The following CAMK1D variants were observed in gnomAD, a reference collection of about 807,000 sequenced individuals.
CAMK1D encodes the protein calcium/calmodulin-dependent protein kinase type 1D.
Under a neutral mutation model 47.7 loss-of-function variants are expected in CAMK1D, and 9 were observed. That is an observed-to-expected ratio of 0.19 (90% confidence interval 0.11 to 0.33). CAMK1D has a LOEUF of 0.33. CAMK1D is among the 10% of genes least tolerant of loss of function. The pLI is 1.00. For missense variants in CAMK1D, 291 were observed against 488.7 expected, an observed-to-expected ratio of 0.60 and a Z score of 3.81; for synonymous variants, 184 against 184.9, an observed-to-expected ratio of 0.99 and a Z score of 0.04.
At chr10:12,407,186 A>G (rs1839465987) in intron 1 of CAMK1D, among the ~76,000 whole-genome samples, 1 of 152,062 alleles carries the variant, frequency 6.6e-6, no homozygotes, top group South Asian at 2.1e-4. Context: ...AGACCTCTCC[A>G]TGACTTCTTT....
At chr10:12,809,116 C>CA (rs35817271) in intron 6 of CAMK1D, among the ~76,000 whole-genome samples, 62,631 of 145,512 alleles carry the variant, frequency 0.43, 14,184 homozygotes, top group African/African-American at 0.6. Context: ...AACTCTGTCT[C>CA]AAAAAAAAAA....
chr10:12,417,009 C>T (rs1839873421), intron 1 of CAMK1D, among the ~76,000 whole-genome samples: 1 of 152,062 alleles, frequency 6.6e-6, no homozygotes, highest in Non-Finnish European at 1.5e-5. Flanking sequence ...GGGCCTGCAT[C>T]CCAGTTTAAT....
At position 12,378,896 on chromosome 10, in the gene CAMK1D, G is replaced by A. The variant is rs183717721; in HGVS notation, c.92+28986G>A. On this transcript the variant is annotated intron_variant, in intron 1 of 10. Coordinates refer to ENST00000619168, the MANE Select transcript of CAMK1D (RefSeq NM_153498.4). ...GCGCTCTCAGCTCACTGCAACCTTC[G>A]CCTCCTGGGTTCAAGTGATTCTCCT... Among the ~76,000 whole-genome samples, 585 of 148,210 alleles carry A rather than the reference G, an allele frequency of 3.9e-3. 2 individuals are homozygous for A. The highest frequency in any genetic ancestry group is 0.014 in the African/African-American group (568 of 40,246).
chr10:12,633,678 T>G (rs1177114787), intron 2 of CAMK1D, among the ~76,000 whole-genome samples: 1 of 152,032 alleles, frequency 6.6e-6, no homozygotes, highest in Non-Finnish European at 1.5e-5. Flanking sequence ...CACCTCTGCC[T>G]CCCCAGTAGC....
chr10:12,416,034 G>A (rs990713586), intron 1 of CAMK1D: 3 of 152,116 alleles, frequency 2.0e-5, no homozygotes, highest in African/African-American at 4.8e-5. Flanking sequence ...AAAACCATTC[G>A]CATTAGACTG....
At chr10:12,757,256 C>T (rs1056462900) in intron 3 of CAMK1D, among the ~76,000 whole-genome samples, 49 of 151,990 alleles carry the variant, frequency 3.2e-4, no homozygotes, top group African/African-American at 9.4e-4. Context: ...TACAGATGTG[C>T]GCCACTGTGC....
chr10:12,580,214 T>C (rs1191498471), intron 2 of CAMK1D, among the ~76,000 whole-genome samples: 1 of 152,206 alleles, frequency 6.6e-6, no homozygotes, highest in African/African-American at 2.4e-5. Context: ...GAGATAATTC[T>C]TAAGGCTACG....
At chr10:12,623,399 CCCTTCCTCCCTCCTTT>C (rs1588702090) in intron 2 of CAMK1D, among the ~76,000 whole-genome samples, 1 of 4,848 alleles carries the variant, frequency 2.1e-4, no homozygotes. Flanking sequence ...CTCCCTCCCT[CCCTTCCTCCCTCCTTT>C]CTTTCCTTCC....
At chr10:12,442,425 G>A (rs555961993) in intron 1 of CAMK1D, among the ~76,000 whole-genome samples, 1 of 152,114 alleles carries the variant, frequency 6.6e-6, no homozygotes, top group South Asian at 2.1e-4. Flanking sequence ...AGCTTGCTCT[G>A]AGCTGAGATT....
intron 2 of CAMK1D, among the ~76,000 whole-genome samples, chr10:12,662,936 T>A (rs547666266): frequency 6.6e-6 from 1 of 152,254 alleles, no homozygotes; most frequent in South Asian, 2.1e-4. Flanking sequence ...TCTCCTTTCC[T>A]TGTTTTTTTT....
intron 2 of CAMK1D, among the ~76,000 whole-genome samples, chr10:12,562,057 G>A (rs1289365477): frequency 1.3e-5 from 2 of 152,164 alleles, no homozygotes; most frequent in East Asian, 3.9e-4. Flanking sequence ...TGTTGCTATA[G>A]CATAATACTT....
At chr10:12,459,327 A>G (rs1833355835) in intron 1 of CAMK1D, among the ~76,000 whole-genome samples, 1 of 152,264 alleles carries the variant, frequency 6.6e-6, no homozygotes. Context: ...GGATTTGATC[A>G]TGATAGTTTG....
At chr10:12,763,392 T>C (rs906558565) in intron 4 of CAMK1D, among the ~76,000 whole-genome samples, 1 of 152,200 alleles carries the variant, frequency 6.6e-6, no homozygotes, top group African/African-American at 2.4e-5. Context: ...TGTACCTCCT[T>C]CTCTTCGTAG....
intron 5 of CAMK1D, among the ~76,000 whole-genome samples, chr10:12,772,036 GAAA>G (rs35859252): frequency 6.9e-6 from 1 of 145,436 alleles, no homozygotes; most frequent in East Asian, 2.0e-4. Context: ...GCTATCTCAG[GAAA>G]AAAAAAAAAA....
intron 3 of CAMK1D, among the ~76,000 whole-genome samples, chr10:12,739,008 T>G (rs1433637561): frequency 6.6e-6 from 1 of 152,076 alleles, no homozygotes; most frequent in Non-Finnish European, 1.5e-5. Context: ...CTTTGGAAGA[T>G]GGTGGATCGC....
At chr10:12,723,130 T>C (rs769576834) in intron 3 of CAMK1D, among the ~76,000 whole-genome samples, 1 of 152,184 alleles carries the variant, frequency 6.6e-6, no homozygotes, top group Non-Finnish European at 1.5e-5. Context: ...GCTTGTGTAT[T>C]GCAGGCCCAC....
rs190548593 is a variant in CAMK1D, at chr10:12,390,838, C to T, written c.92+40928C>T. Among the ~76,000 whole-genome samples, 5 of 152,204 alleles carry T rather than the reference C, an allele frequency of 3.3e-5. No homozygotes were observed. The East Asian group carries it at 5.8e-4, about 18-fold the overall frequency. On this transcript the variant is annotated intron_variant, in intron 1 of 10. Coordinates refer to ENST00000619168, the MANE Select transcript of CAMK1D (RefSeq NM_153498.4). The stretch of plus-strand genomic sequence containing the variant: ...AGCCTGGAATACGGGTCCAGCTGTC[C>T]CCACGGAGCCATCCTTCTGGCCCAC...
At chr10:12,351,405 G>A (rs1837351925) in intron 1 of CAMK1D, among the ~76,000 whole-genome samples, 1 of 152,190 alleles carries the variant, frequency 6.6e-6, no homozygotes, top group South Asian at 2.1e-4. Flanking sequence ...CGGGTTTGGG[G>A]TTGTGATTCT....
chr10:12,811,326 A>G (rs1353564152), intron 6 of CAMK1D, among the ~76,000 whole-genome samples: 3 of 152,212 alleles, frequency 2.0e-5, no homozygotes, highest in Non-Finnish European at 4.4e-5. Context: ...TATCAAGTTA[A>G]ACAGCCCAAG....
Sources: gnomAD v4.1 joint callset for allele counts (sites outside exome capture counted in the v4.1 genomes callset) on GRCh38, gnomAD v4.1.1 for gene constraint, MANE v1.5 for transcripts, NCBI Gene and HGNC (gene_info 2026-07-23, HGNC 2026-07-21) for gene names.